MET: variants seen among roughly 807,000 people sequenced by gnomAD.
MET encodes the protein hepatocyte growth factor receptor.
A neutral mutation model predicts 133.1 loss-of-function variants in MET; 48 were observed. The ratio of observed to expected loss-of-function variants is 0.36; its 90% CI spans 0.29 to 0.46. The LOEUF (loss-of-function observed/expected upper bound fraction) is 0.46, where lower values mean the gene tolerates loss of function less well. MET is among the 20% of genes least tolerant of loss of function. The pLI, the probability that MET is intolerant of heterozygous loss-of-function variation, is 1.00. For missense variants in MET, 1,442 were observed against 1,695.9 expected, an observed-to-expected ratio of 0.85 and a Z score of 2.63; for synonymous variants, 628 against 616.5, an observed-to-expected ratio of 1.02 and a Z score of -0.28.
rs1461079558 is a variant in MET at position 116,757,558 on chromosome 7, T to TTACCAAAA, written c.1965+19_1965+20insTACCAAAA. 1.2e-6 allele frequency: 2 copies of TTACCAAAA among 1,613,042 alleles called. No individual in the cohort carries two copies. Among genetic ancestry groups the TTACCAAAA allele is most frequent in the Non-Finnish European group, 1.7e-6 (2 of 1,179,074 alleles). On this transcript the variant is annotated intron_variant, in intron 7 of 20. Coordinates refer to ENST00000397752, the MANE Select transcript of MET (RefSeq NM_000245.4). Reference sequence around the variant, plus strand: ...CTATGTGGTAAGGAAGATTCTATCCTATCATGTTTGATTTTTACTTAATCT... The same window carrying TTACCAAAA: ...CTATGTGGTAAGGAAGATTCTATCCTTACCAAAAATCATGTTTGATTTTTACTTAATCT...
chr7:116,672,616 C>G (rs1562868825), intron 1 of MET, 39 bp downstream of exon 1: 2 of 376,970 alleles, frequency 5.3e-6, no homozygotes, highest in Non-Finnish European at 9.4e-6. Context: ...TACCCAATCC[C>G]TCGCCTCAGG....
rs1484737027 is a variant in MET, at chr7:116,782,068, C to T, written c.3603C>T (p.Val1201=). 2 of 1,613,200 alleles carry T rather than the reference C, an allele frequency of 1.2e-6. No individual in the cohort carries two copies. Among genetic ancestry groups the T allele is most frequent in the South Asian group, 1.1e-5 (1 of 90,976 alleles). ...GMKYLASKKF[V]HRDLAARNCM... ...AATATCTTGCAAGCAAAAAGTTTGTCCACAGAGACTTGGCTGCAAGAAACT... is the reference window on the plus strand; with the variant it reads ...AATATCTTGCAAGCAAAAAGTTTGTTCACAGAGACTTGGCTGCAAGAAACT... The change falls in exon 18 of 21, where the codon GTC becomes GTT. Residue 1201 remains valine, a synonymous_variant. Coordinates refer to ENST00000397752, the MANE Select transcript of MET (RefSeq NM_000245.4).
At chr7:116,728,633 G>A (rs1172297155) in intron 2 of MET, among the ~76,000 whole-genome samples, 1 of 152,110 alleles carries the variant, frequency 6.6e-6, no homozygotes, top group Non-Finnish European at 1.5e-5. Context: ...AAACTGAGTA[G>A]GCAAATGGGC....
chr7:116,792,481 A>G (rs1018371620), intron 19 of MET, among the ~76,000 whole-genome samples: 71 of 141,596 alleles, frequency 5.0e-4, no homozygotes, highest in African/African-American at 1.7e-3. Context: ...ACACACACAC[A>G]CACACACACA....
At position 116,759,462 on chromosome 7, in the gene MET, T is replaced by A. The variant is rs1257647207; in HGVS notation, c.2336T>A (p.Val779Glu). The part of the protein sequence containing the change: ...SVSVPRMVIN[V>E]HEAGRNFTVA... The stretch of plus-strand genomic sequence containing the variant: ...AGTGTCCCGAGAATGGTCATAAATG[T>A]GCATGAAGCAGGAAGGAACTTTACA... Residue 779 changes from valine to glutamate, a missense_variant, in exon 10 of 21, where the codon GTG (valine) becomes GAG (glutamate). Val to Glu is a moderately radical substitution (Grantham distance 121, BLOSUM62 -2). Transcript: ENST00000397752. 6.2e-7 allele frequency: 1 copy of A among 1,613,746 alleles called. No individual in the cohort carries two copies. Among genetic ancestry groups the A allele is most frequent in the Non-Finnish European group, 8.5e-7 (1 of 1,179,816 alleles).
intron 5 of MET, among the ~76,000 whole-genome samples, chr7:116,746,688 C>T (rs1793701819): frequency 6.6e-6 from 1 of 151,540 alleles, no homozygotes; most frequent in African/African-American, 2.4e-5. Context: ...GAACAAAAAA[C>T]CAAACACCGC....
rs1406119507 is a variant in MET at position 116,672,299 on chromosome 7, C to T, written c.-293C>T. 14 of 210,512 alleles carry T rather than the reference C, an allele frequency of 6.7e-5. No individual in the cohort carries two copies. The highest frequency in any genetic ancestry group is 1.1e-4 in the Non-Finnish European group (12 of 107,254). 13.0% of individuals were successfully genotyped at this position (210,512 alleles called of 1,614,324 possible). ...GCCGCGGGCCGCGCGCGCCGATGCC[C>T]GGCTGAGTCACTGGCAGGGCAGCGC... On this transcript the variant is annotated 5_prime_UTR_variant, in exon 1 of 21. Transcript: ENST00000397752.
Position 116,754,893 on chromosome 7 carries a change from GAGAAAGAAAGAAAGAAAGAAAGAAAGAA to G in MET, c.1702-430_1702-403del, listed in dbSNP as rs542934651. On this transcript the variant is annotated intron_variant, in intron 5 of 20. Coordinates refer to ENST00000397752, the MANE Select transcript of MET (RefSeq NM_000245.4). ...AAAGAAAGAGAGAGAGAGAGAAAGA[GAGAAAGAAAGAAAGAAAGAAAGAAAGAA>G]AGAAAGAAAGAAAGAAAGAAAGAAA... 1.5e-3 allele frequency among the ~76,000 whole-genome samples: 150 copies of G among 97,482 alleles called. 1 individual carries two copies. Among genetic ancestry groups the G allele is most frequent in the African/African-American group, 5.3e-3 (139 of 26,332 alleles). The allele number at this position is 97,482 out of a possible 152,430, so 64.0% of individuals were successfully genotyped here.
At chr7:116,791,098 C>A (rs1370263448) in intron 19 of MET, among the ~76,000 whole-genome samples, 1 of 152,068 alleles carries the variant, frequency 6.6e-6, no homozygotes, top group Non-Finnish European at 1.5e-5. Flanking sequence ...TAATAAAGAA[C>A]ATTTGAGTTC....
Position 116,778,976 on chromosome 7 carries a change from T to C in MET, c.3522+19T>C, listed in dbSNP as rs2117048784. Reference sequence around the variant, plus strand: ...GACTCATGTAAGTTGACTGCCAAGCTTACTAACTGGCAAACTAGCTGTAAG... The same window carrying C: ...GACTCATGTAAGTTGACTGCCAAGCCTACTAACTGGCAAACTAGCTGTAAG... On this transcript the variant is annotated intron_variant, in intron 17 of 20. Coordinates refer to ENST00000397752, the MANE Select transcript of MET (RefSeq NM_000245.4). 1 of 1,613,104 alleles carries C rather than the reference T, an allele frequency of 6.2e-7. No individual in the cohort carries two copies. Among genetic ancestry groups the C allele is most frequent in the Non-Finnish European group, 8.5e-7 (1 of 1,179,634 alleles).
At chr7:116,742,478 T>C (rs1398293033) in intron 5 of MET, among the ~76,000 whole-genome samples, 5 of 152,240 alleles carry the variant, frequency 3.3e-5, no homozygotes, top group African/African-American at 9.6e-5. Flanking sequence ...GAAATAGATA[T>C]GGAAAATATA....
At chr7:116,752,243 T>C (rs2116890400) in intron 5 of MET, among the ~76,000 whole-genome samples, 1 of 152,266 alleles carries the variant, frequency 6.6e-6, no homozygotes, top group African/African-American at 2.4e-5. Flanking sequence ...CTTTTGGAGT[T>C]TTTTTGTTCT....
chr7:116,711,697 C>T (rs1197806118), intron 2 of MET, among the ~76,000 whole-genome samples: 1 of 151,984 alleles, frequency 6.6e-6, no homozygotes. Flanking sequence ...GGCTCCTCCT[C>T]AACTCCACCC....
intron 12 of MET, 23 bp downstream of exon 12, chr7:116,769,814 A>G (rs1162135733): frequency 6.2e-7 from 1 of 1,613,486 alleles, no homozygotes; most frequent in Non-Finnish European, 8.5e-7. Context: ...CATTCCTCTC[A>G]TGATGTAAAT....
intron 2 of MET, among the ~76,000 whole-genome samples, chr7:116,709,217 T>C (rs1422463275): frequency 6.6e-6 from 1 of 152,232 alleles, no homozygotes; most frequent in Non-Finnish European, 1.5e-5. Context: ...TTCTGTTTCA[T>C]TTTAATCCTG....
At chr7:116,744,512 C>T (rs1449810308) in intron 5 of MET, among the ~76,000 whole-genome samples, 1 of 152,118 alleles carries the variant, frequency 6.6e-6, no homozygotes, top group Non-Finnish European at 1.5e-5. Flanking sequence ...AAGGAATGAA[C>T]AAAACCTCCA....
At chr7:116,686,600 A>G (rs1796568844) in intron 1 of MET, among the ~76,000 whole-genome samples, 1 of 152,244 alleles carries the variant, frequency 6.6e-6, no homozygotes, top group African/African-American at 2.4e-5. Flanking sequence ...TCTGATGCAT[A>G]GTAGGACCCC....
rs1314460059 is a variant in MET, at chr7:116,754,881, GAGAGAGAA to G, written c.1702-462_1702-455del. Among the ~76,000 whole-genome samples, 276 of 110,702 alleles carry G rather than the reference GAGAGAGAA, an allele frequency of 2.5e-3. 1 individual carries two copies. Among genetic ancestry groups the G allele is most frequent in the Non-Finnish European group, 3.9e-3 (209 of 53,742 alleles). The allele number at this position is 110,702 out of a possible 152,430, so 72.6% of individuals were successfully genotyped here. On this transcript the variant is annotated intron_variant, in intron 5 of 20. Coordinates refer to ENST00000397752, the MANE Select transcript of MET (RefSeq NM_000245.4). ...GGAAAGAAAAAGAAAGAAAGAGAGA[GAGAGAGAA>G]AGAGAGAAAGAAAGAAAGAAAGAAA...
chr7:116,708,942 C>T (rs1197564531), intron 2 of MET, among the ~76,000 whole-genome samples: 2 of 152,122 alleles, frequency 1.3e-5, no homozygotes, highest in Non-Finnish European at 2.9e-5. Flanking sequence ...TAATAGAATT[C>T]AAGGGAATGT....
Sources: allele counts gnomAD v4.1 joint callset (sites outside exome capture counted in the v4.1 genomes callset), GRCh38; gene constraint gnomAD v4.1.1; transcripts MANE v1.5; gene names NCBI Gene and HGNC (gene_info 2026-07-23, HGNC 2026-07-21).